The following GRIK1 variants were observed in gnomAD, a reference collection of about 807,000 sequenced individuals.
GRIK1 encodes the protein glutamate receptor ionotropic, kainate 1.
GRIK1 carries 69 observed loss-of-function variants against 105.7 expected under a neutral mutation model. The observed-to-expected ratio is 0.65, with a 90% confidence interval of 0.54 to 0.80. The LOEUF (loss-of-function observed/expected upper bound fraction) is 0.80. GRIK1 is among the 30% of genes least tolerant of loss of function. The probability of loss-of-function intolerance (pLI) is 0.00; values close to 1 mark genes in which losing one functional copy is unlikely to be tolerated. For missense variants in GRIK1, 1,109 were observed against 1,167.3 expected, an observed-to-expected ratio of 0.95 and a Z score of 0.73; for synonymous variants, 438 against 431.3, an observed-to-expected ratio of 1.02 and a Z score of -0.19.
chr21:29,546,731 T>TA (rs1298639342), intron 16 of GRIK1, among the ~76,000 whole-genome samples: 1 of 152,238 alleles, frequency 6.6e-6, no homozygotes, highest in Admixed American at 6.5e-5. Context: ...TATAACAACT[T>TA]ACATATTCAA....
At chr21:29,925,036 A>G (rs936038627) in intron 1 of GRIK1, among the ~76,000 whole-genome samples, 10 of 152,188 alleles carry the variant, frequency 6.6e-5, no homozygotes, top group Non-Finnish European at 1.5e-4. Context: ...AAACCAAACT[A>G]TTTGACAGTT....
intron 3 of GRIK1, among the ~76,000 whole-genome samples, chr21:29,680,115 T>C (rs1417048907): frequency 3.9e-5 from 6 of 152,130 alleles, no homozygotes; most frequent in Admixed American, 6.5e-5. Context: ...GACCCAAAGG[T>C]TGTGCTGGAT....
intron 1 of GRIK1, among the ~76,000 whole-genome samples, chr21:29,779,223 T>C (rs981495868): frequency 6.6e-6 from 1 of 152,248 alleles, no homozygotes; most frequent in Non-Finnish European, 1.5e-5. Flanking sequence ...TACTTTATCC[T>C]CAGAAAAATA....
At chr21:29,907,816 G>A (rs945709146) in intron 1 of GRIK1, among the ~76,000 whole-genome samples, 16 of 152,146 alleles carry the variant, frequency 1.1e-4, no homozygotes, top group Admixed American at 4.6e-4. Flanking sequence ...GTGTATAATC[G>A]TGCTAACTTT....
chr21:29,824,650 T>C (rs2067398150), intron 1 of GRIK1, among the ~76,000 whole-genome samples: 1 of 151,994 alleles, frequency 6.6e-6, no homozygotes, highest in Admixed American at 6.6e-5. Flanking sequence ...TTAAAAGAAC[T>C]GCAAGTAAGT....
At chr21:29,548,490 A>AT (rs573615652) in intron 16 of GRIK1, among the ~76,000 whole-genome samples, 13 of 152,070 alleles carry the variant, frequency 8.5e-5, no homozygotes, top group South Asian at 4.2e-4. Flanking sequence ...ATCAAGCAGA[A>AT]TTTTTTTTTA....
intron 1 of GRIK1, among the ~76,000 whole-genome samples, chr21:29,821,153 T>C (rs1462491710): frequency 6.6e-6 from 1 of 151,982 alleles, no homozygotes; most frequent in Non-Finnish European, 1.5e-5. Flanking sequence ...ATAATATAAA[T>C]GATTGATTAA....
chr21:29,594,024 G>A (rs1050173306), intron 9 of GRIK1, among the ~76,000 whole-genome samples: 1 of 152,042 alleles, frequency 6.6e-6, no homozygotes. Context: ...TTCCCCTATT[G>A]TCTCTACAGA....
chr21:29,555,886 C>T (rs2090241323), intron 15 of GRIK1, among the ~76,000 whole-genome samples: 1 of 152,122 alleles, frequency 6.6e-6, no homozygotes, highest in Non-Finnish European at 1.5e-5. Flanking sequence ...TTTTCTTTTT[C>T]TCAAGGAGGT....
intron 1 of GRIK1, among the ~76,000 whole-genome samples, chr21:29,715,229 GC>G (rs1184775160): frequency 5.3e-5 from 8 of 152,172 alleles, no homozygotes; most frequent in Non-Finnish European, 1.2e-4. Flanking sequence ...CAACTTCATA[GC>G]ACATGGGGAT....
intron 1 of GRIK1, among the ~76,000 whole-genome samples, chr21:29,723,414 A>G (rs755613132): frequency 2.1e-4 from 32 of 152,230 alleles, no homozygotes; most frequent in Non-Finnish European, 4.1e-4. Context: ...CAGATTTAGT[A>G]AGCTATTGAG....
chr21:29,900,733 A>T (rs904398948), intron 1 of GRIK1, among the ~76,000 whole-genome samples: 4 of 152,200 alleles, frequency 2.6e-5, no homozygotes, highest in Non-Finnish European at 5.9e-5. Context: ...GAGCAACGAG[A>T]CAGAAAATTA....
intron 6 of GRIK1, among the ~76,000 whole-genome samples, chr21:29,648,839 A>C (rs1018522116): frequency 6.6e-6 from 1 of 152,154 alleles, no homozygotes; most frequent in Non-Finnish European, 1.5e-5. Context: ...GATAAGTGAG[A>C]CTTCAAGGCA....
intron 1 of GRIK1, among the ~76,000 whole-genome samples, chr21:29,695,198 T>A (rs1202342455): frequency 6.6e-6 from 1 of 152,160 alleles, no homozygotes; most frequent in African/African-American, 2.4e-5. Context: ...GACATTGATG[T>A]TTGACAGAAA....
At chr21:29,634,240 A>C (rs1400029247) in intron 7 of GRIK1, among the ~76,000 whole-genome samples, 1 of 152,228 alleles carries the variant, frequency 6.6e-6, no homozygotes, top group Non-Finnish European at 1.5e-5. Flanking sequence ...TAAAAGCTTG[A>C]ATTCAAATAT....
chr21:29,644,247 G>C (rs900926315), intron 6 of GRIK1, among the ~76,000 whole-genome samples: 1 of 152,034 alleles, frequency 6.6e-6, no homozygotes, highest in Non-Finnish European at 1.5e-5. Flanking sequence ...TTATTATTCT[G>C]TTCAATCTTT....
chr21:29,875,449 AC>A lies in GRIK1; in HGVS notation c.118+63933del, dbSNP rs199835032. Among the ~76,000 whole-genome samples, 1,073 of 152,060 alleles carry A rather than the reference AC, an allele frequency of 7.1e-3. 11 individuals carry two copies. Among genetic ancestry groups the A allele is most frequent in the Admixed American group, 0.01 (154 of 15,272 alleles). ...AATGGTCCATTTTTTACTAGTTGTC[AC>A]CCCTGTTGGTAAAGCCCAATACCTT... On this transcript the variant is annotated intron_variant, in intron 1 of 17. Coordinates refer to ENST00000327783, the MANE Select transcript of GRIK1 (RefSeq NM_001330994.2).
chr21:29,844,222 T>C (rs990137860), intron 1 of GRIK1, among the ~76,000 whole-genome samples: 1 of 152,212 alleles, frequency 6.6e-6, no homozygotes, highest in Non-Finnish European at 1.5e-5. Context: ...TTTGCAGATA[T>C]AGAGCCTTGA....
intron 1 of GRIK1, among the ~76,000 whole-genome samples, chr21:29,700,260 T>C (rs1456524543): frequency 6.6e-6 from 1 of 152,102 alleles, no homozygotes; most frequent in Non-Finnish European, 1.5e-5. Context: ...ACCTGGCAGG[T>C]GGCCTTTAAG....
Sources: allele counts gnomAD v4.1 joint callset (sites outside exome capture counted in the v4.1 genomes callset), GRCh38; gene constraint gnomAD v4.1.1; transcripts MANE v1.5; gene names NCBI Gene and HGNC (gene_info 2026-07-23, HGNC 2026-07-21).